The following FARP1 variants were observed in gnomAD, a reference collection of about 807,000 sequenced individuals.
FARP1 encodes FERM, ARHGEF and pleckstrin domain-containing protein 1.
In FARP1, 52 loss-of-function variants were observed where a neutral mutation model predicts 128.8. That is an observed-to-expected ratio of 0.40 (90% CI 0.32 to 0.51). The LOEUF (loss-of-function observed/expected upper bound fraction) is 0.51, where lower values mean the gene tolerates loss of function less well. FARP1 is among the 20% of genes least tolerant of loss of function. FARP1 has a pLI of 0.45. For missense variants in FARP1, 1,333 were observed against 1,367.9 expected, an observed-to-expected ratio of 0.97 and a Z score of 0.40; for synonymous variants, 580 against 551.8, an observed-to-expected ratio of 1.05 and a Z score of -0.72.
At chr13:98,293,976 A>T (rs1396059767) in intron 2 of FARP1, among the ~76,000 whole-genome samples, 2 of 152,198 alleles carry the variant, frequency 1.3e-5, no homozygotes, top group Non-Finnish European at 2.9e-5. Context: ...ATGCTGGTCT[A>T]CTTGGGCTTT....
chr13:98,440,422 G>A (rs1892476816), intron 23 of FARP1, among the ~76,000 whole-genome samples, 187 bp downstream of exon 23: 2 of 152,102 alleles, frequency 1.3e-5, no homozygotes, highest in South Asian at 4.2e-4. Flanking sequence ...AGGGAGCTGG[G>A]AAGTCACCTT....
chr13:98,447,413 G>A (rs929968743), intron 26 of FARP1: 2 of 152,538 alleles, frequency 1.3e-5, no homozygotes, highest in African/African-American at 4.8e-5. Context: ...CTCGAGAGCT[G>A]GGTTGAGAGC....
intron 2 of FARP1, among the ~76,000 whole-genome samples, chr13:98,318,926 T>A (rs1284127098): frequency 6.6e-6 from 1 of 151,734 alleles, no homozygotes; most frequent in Non-Finnish European, 1.5e-5. Flanking sequence ...ACCTGTTGCT[T>A]CCTTTGGAGC....
At chr13:98,406,995 C>T (rs533204889) in intron 13 of FARP1, 1 of 152,804 alleles carries the variant, frequency 6.5e-6, no homozygotes, top group South Asian at 2.1e-4. Context: ...CTGTCTAGGG[C>T]CTGTTAGTTG....
chr13:98,180,119 T>C (rs1237061680), intron 1 of FARP1, among the ~76,000 whole-genome samples: 1 of 152,048 alleles, frequency 6.6e-6, no homozygotes, highest in African/African-American at 2.4e-5. Flanking sequence ...GGCTAGGTAA[T>C]TTATAAAGAA....
At chr13:98,201,624 A>T (rs1397642405) in intron 1 of FARP1, among the ~76,000 whole-genome samples, 2 of 152,220 alleles carry the variant, frequency 1.3e-5, no homozygotes, top group Non-Finnish European at 2.9e-5. Flanking sequence ...CAGGTGTTTG[A>T]GTAGAAAAGG....
intron 1 of FARP1, among the ~76,000 whole-genome samples, chr13:98,153,366 AT>A (rs1876192047): frequency 2.9e-5 from 1 of 34,026 alleles, no homozygotes; most frequent in Non-Finnish European, 1.6e-4. Context: ...TATATAAAAT[AT>A]GTTATATATA....
intron 11 of FARP1, among the ~76,000 whole-genome samples, chr13:98,393,415 G>A (rs1022825967): frequency 6.6e-6 from 1 of 152,166 alleles, no homozygotes; most frequent in Non-Finnish European, 1.5e-5. Flanking sequence ...TACAACAAGG[G>A]CTTCTGAGAA....
At chr13:98,378,620 A>G (rs1172693298) in intron 6 of FARP1, among the ~76,000 whole-genome samples, 3 of 152,072 alleles carry the variant, frequency 2.0e-5, no homozygotes, top group Non-Finnish European at 4.4e-5. Context: ...TTTCCACTGT[A>G]TATGAATTCG....
At chr13:98,164,259 G>C (rs1040111369) in intron 1 of FARP1, among the ~76,000 whole-genome samples, 6 of 152,170 alleles carry the variant, frequency 3.9e-5, no homozygotes, top group African/African-American at 1.4e-4. Flanking sequence ...TCCGTTTTGG[G>C]GGCGTGGCGT....
At position 98,411,166 on chromosome 13, in the gene FARP1, G is replaced by A. The variant is rs147987876; in HGVS notation, c.1692+343G>A. Among the ~76,000 whole-genome samples, 28 of 152,278 alleles carry A rather than the reference G, an allele frequency of 1.8e-4. 1 individual carries two copies. Among genetic ancestry groups the A allele is most frequent in the African/African-American group, 5.8e-4 (24 of 41,552 alleles). ...CTGATTTTTGTTCACGGGAGACCTC[G>A]GAGGTGAACAGGAGATTCATTTTAT... On this transcript the variant is annotated intron_variant, in intron 15 of 26. Transcript: ENST00000319562.
At chr13:98,399,047 T>C in intron 13 of FARP1, 1 of 152,340 alleles carries the variant, frequency 6.6e-6, no homozygotes, top group East Asian at 1.9e-4. Flanking sequence ...TTTTTCACTT[T>C]AAGAGTTGCT....
intron 2 of FARP1, among the ~76,000 whole-genome samples, chr13:98,231,513 C>T (rs1882113931): frequency 6.6e-6 from 1 of 152,220 alleles, no homozygotes; most frequent in Non-Finnish European, 1.5e-5. Context: ...TCTTGGCTCA[C>T]TGCAACCTCC....
intron 16 of FARP1, among the ~76,000 whole-genome samples, chr13:98,417,670 G>C (rs11617864): frequency 6.6e-6 from 1 of 152,140 alleles, no homozygotes; most frequent in African/African-American, 2.4e-5. Context: ...CCAGGGCAGA[G>C]AGGGGGCTCT....
At chr13:98,439,612 C>T (rs1420828280) in intron 21 of FARP1, among the ~76,000 whole-genome samples, 1 of 152,162 alleles carries the variant, frequency 6.6e-6, no homozygotes, top group African/African-American at 2.4e-5. Context: ...CCACCTCGTC[C>T]TCCCCCGAGT....
chr13:98,295,317 G>A (rs1885638065), intron 2 of FARP1, among the ~76,000 whole-genome samples: 2 of 152,126 alleles, frequency 1.3e-5, no homozygotes, highest in African/African-American at 4.8e-5. Flanking sequence ...CATGGCAGCA[G>A]AGGGAGCCCT....
At chr13:98,211,013 C>T (rs1880671662) in intron 1 of FARP1, among the ~76,000 whole-genome samples, 1 of 152,202 alleles carries the variant, frequency 6.6e-6, no homozygotes, top group Non-Finnish European at 1.5e-5. Context: ...CTGGATGCCC[C>T]AGCCCCTGCC....
At chr13:98,282,559 A>G (rs1884982316) in intron 2 of FARP1, among the ~76,000 whole-genome samples, 2 of 152,204 alleles carry the variant, frequency 1.3e-5, no homozygotes, top group South Asian at 4.1e-4. Context: ...AAGGAATTAT[A>G]AACCTACTCA....
Position 98,277,148 on chromosome 13 carries a change from A to ACACACACACACACACACACACC in FARP1, c.171+63736_171+63737insACACACACACACACACACACCC, listed in dbSNP as rs372627844. On this transcript the variant is annotated intron_variant, in intron 2 of 26. Transcript: ENST00000319562. ...CACACACACACACACACACACACAC[A>ACACACACACACACACACACACC]CCCCATATGTATATATTAGAAGCAG... 8.8e-4 allele frequency among the ~76,000 whole-genome samples: 122 copies of ACACACACACACACACACACACC among 138,640 alleles called. 1 individual carries two copies. Among genetic ancestry groups the ACACACACACACACACACACACC allele is most frequent in the East Asian group, 2.9e-3 (14 of 4,908 alleles). The allele number at this position is 138,640 out of a possible 152,430, so 91.0% of individuals were successfully genotyped here.
Sources: gnomAD v4.1 joint callset for allele counts (sites outside exome capture counted in the v4.1 genomes callset) on GRCh38, gnomAD v4.1.1 for gene constraint, MANE v1.5 for transcripts, NCBI Gene and HGNC (gene_info 2026-07-23, HGNC 2026-07-21) for gene names.